The following CACNB2 variants were observed in gnomAD, a reference collection of about 807,000 sequenced individuals.
CACNB2 encodes the protein calcium voltage-gated channel auxiliary subunit beta 2.
A neutral mutation model predicts 73.3 loss-of-function variants in CACNB2; 42 were observed. The ratio of observed to expected loss-of-function variants is 0.57; its 90% CI spans 0.45 to 0.74. CACNB2 has a LOEUF of 0.74. CACNB2 is among the 30% of genes least tolerant of loss of function. The pLI is 0.00. For synonymous variants in CACNB2, 348 were observed against 310.3 expected (o/e 1.12, Z -1.28); for missense variants, 940 against 853.0 (o/e 1.10, Z -1.27).
chr10:18,321,078 A>C (rs2131954412), intron 2 of CACNB2, among the ~76,000 whole-genome samples: 1 of 152,360 alleles, frequency 6.6e-6, no homozygotes, highest in African/African-American at 2.4e-5. Context: ...CAGTCCAGGA[A>C]GAAAATGTGT....
chr10:18,501,011 G>A (rs2133038017), intron 5 of CACNB2, 63 bp downstream of exon 5: 5 of 1,452,928 alleles, frequency 3.4e-6, no homozygotes, highest in Non-Finnish European at 4.8e-6. Flanking sequence ...GTGTACTGTT[G>A]TCTGCTGTAT....
chr10:18,536,260 TTTTTTTTTTTTTTGG>T lies in CACNB2; in HGVS notation c.1302+65_1302+79del, dbSNP rs1343143913. On this transcript the variant is annotated intron_variant, in intron 12 of 13. Transcript: ENST00000324631. ...GATCAGACCTTTTTTTTTTTTTTTT[TTTTTTTTTTTTTTGG>T]GGGACAAGGTCTTGCTCTGTTGCCC... The T allele has an allele frequency of 2.5e-3, 1,638 of 655,124 alleles. 17 individuals carry two copies. Among genetic ancestry groups the T allele is most frequent in the East Asian group, 0.014 (312 of 21,986 alleles). 40.6% of individuals were successfully genotyped at this position (655,124 alleles called of 1,614,324 possible).
chr10:18,280,341 A>C (rs901539508), intron 2 of CACNB2, among the ~76,000 whole-genome samples: 1 of 152,192 alleles, frequency 6.6e-6, no homozygotes, highest in Non-Finnish European at 1.5e-5. Context: ...TATGAGCACT[A>C]TAAGAATCTT....
At chr10:18,302,172 T>G (rs1173694986) in intron 2 of CACNB2, among the ~76,000 whole-genome samples, 1 of 152,024 alleles carries the variant, frequency 6.6e-6, no homozygotes, top group Non-Finnish European at 1.5e-5. Flanking sequence ...AATCACTCAT[T>G]TAGCAGTCAA....
At chr10:18,407,061 G>A (rs2044326469) in intron 3 of CACNB2, among the ~76,000 whole-genome samples, 1 of 138,380 alleles carries the variant, frequency 7.2e-6, no homozygotes, top group East Asian at 2.3e-4. Context: ...CTGCAGATTT[G>A]TGAAGGTTTA....
chr10:18,371,141 A>G (rs2042564362), intron 2 of CACNB2, among the ~76,000 whole-genome samples: 1 of 152,194 alleles, frequency 6.6e-6, no homozygotes, highest in South Asian at 2.1e-4. Context: ...TTTGATAGAC[A>G]AAAATATTAT....
chr10:18,165,482 G>A (rs1024843909), intron 2 of CACNB2, among the ~76,000 whole-genome samples: 3 of 152,198 alleles, frequency 2.0e-5, no homozygotes, highest in African/African-American at 7.2e-5. Flanking sequence ...GCACGATCTC[G>A]GCTCCCTGTG....
intron 2 of CACNB2, among the ~76,000 whole-genome samples, chr10:18,159,171 A>G (rs2032272586): frequency 6.6e-6 from 1 of 152,060 alleles, no homozygotes; most frequent in South Asian, 2.1e-4. Flanking sequence ...GATGACTGCC[A>G]GCTTTGCTTT....
chr10:18,468,077 A>G (rs914376194), intron 3 of CACNB2, among the ~76,000 whole-genome samples: 2 of 152,214 alleles, frequency 1.3e-5, no homozygotes, highest in African/African-American at 4.8e-5. Flanking sequence ...TACCTTTACC[A>G]GGCACATGTT....
At chr10:18,302,163 A>G (rs1344716677) in intron 2 of CACNB2, among the ~76,000 whole-genome samples, 1 of 152,140 alleles carries the variant, frequency 6.6e-6, no homozygotes, top group Non-Finnish European at 1.5e-5. Context: ...TCAAAATGAA[A>G]TCACTCATTT....
intron 5 of CACNB2, among the ~76,000 whole-genome samples, chr10:18,501,204 A>G (rs574114479): frequency 6.6e-6 from 1 of 152,364 alleles, no homozygotes; most frequent in South Asian, 2.1e-4. Context: ...TATTAAATTC[A>G]GGCTCCAGGG....
At chr10:18,340,718 G>T in intron 2 of CACNB2, 1 of 1,450,140 alleles carries the variant, frequency 6.9e-7, no homozygotes, top group Non-Finnish European at 9.0e-7. Context: ...TGCCTAAGTG[G>T]TTCTGGAACA....
At chr10:18,320,397 G>A (rs912487912) in intron 2 of CACNB2, among the ~76,000 whole-genome samples, 2 of 151,728 alleles carry the variant, frequency 1.3e-5, no homozygotes, top group Admixed American at 6.6e-5. Context: ...ATTTTTTTTC[G>A]TTTGGTGAAA....
At chr10:18,335,192 T>G (rs1301586343) in intron 2 of CACNB2, among the ~76,000 whole-genome samples, 1 of 152,216 alleles carries the variant, frequency 6.6e-6, no homozygotes, top group African/African-American at 2.4e-5. Context: ...GCCTTTCTTT[T>G]TCTATTCTCT....
At chr10:18,140,952 G>A in intron 1 of CACNB2, 96 bp downstream of exon 1, 1 of 1,526,460 alleles carries the variant, frequency 6.6e-7, no homozygotes, top group South Asian at 1.2e-5. Context: ...GGGATCTCTA[G>A]CCTCGCACCT....
chr10:18,522,693 C>T (rs575754341), intron 9 of CACNB2, among the ~76,000 whole-genome samples: 1 of 152,072 alleles, frequency 6.6e-6, no homozygotes, highest in South Asian at 2.1e-4. Flanking sequence ...GCTTCGCCAA[C>T]ATGGTGAAAC....
At chr10:18,263,357 A>T (rs539368858) in intron 2 of CACNB2, among the ~76,000 whole-genome samples, 1 of 152,280 alleles carries the variant, frequency 6.6e-6, no homozygotes, top group Admixed American at 6.5e-5. Context: ...GGTGGTTAGG[A>T]CCTCGTCATA....
chr10:18,447,718 G>GA (rs997271068), intron 3 of CACNB2, among the ~76,000 whole-genome samples: 2,039 of 141,014 alleles, frequency 0.014, 22 homozygotes, highest in African/African-American at 0.029. Flanking sequence ...GAGTGACTTT[G>GA]AAAAAAAAAA....
At position 18,140,638 on chromosome 10, in the gene CACNB2, C is replaced by G; in HGVS notation, c.-99C>G. 1 of 1,039,032 alleles carries G rather than the reference C, an allele frequency of 9.6e-7. No individual in the cohort carries two copies. Among genetic ancestry groups the G allele is most frequent in the Non-Finnish European group, 1.4e-6 (1 of 701,882 alleles). 64.4% of individuals were successfully genotyped at this position (1,039,032 alleles called of 1,614,324 possible). On this transcript the variant is annotated 5_prime_UTR_variant, in exon 1 of 14. Coordinates refer to ENST00000324631, the MANE Select transcript of CACNB2 (RefSeq NM_201596.3). ...AGAACGGCCGGGCCTGAGCCCTGGG[C>G]GGCCCCCAGAGCCGATCAGAGCGCG... is the stretch of plus-strand genomic sequence containing the variant.
Sources: allele counts gnomAD v4.1 joint callset (sites outside exome capture counted in the v4.1 genomes callset), GRCh38; gene constraint gnomAD v4.1.1; transcripts MANE v1.5; gene names NCBI Gene and HGNC (gene_info 2026-07-23, HGNC 2026-07-21).